The following ATG2B variants were observed in gnomAD, a reference collection of about 807,000 sequenced individuals.
ATG2B encodes autophagy-related protein 2 homolog B.
Under a neutral mutation model 241.3 loss-of-function variants are expected in ATG2B, and 121 were observed. That is an observed-to-expected ratio of 0.50 (90% CI 0.43 to 0.58). The LOEUF (loss-of-function observed/expected upper bound fraction) is 0.58. ATG2B is among the 20% of genes least tolerant of loss of function. The pLI is 0.00. For synonymous variants in ATG2B, 858 were observed against 876.6 expected, an observed-to-expected ratio of 0.98 and a Z score of 0.37; for missense variants, 2,306 against 2,491.6, an observed-to-expected ratio of 0.93 and a Z score of 1.59.
chr14:96,300,999 T>C (rs1886774949), intron 34 of ATG2B, among the ~76,000 whole-genome samples: 1 of 152,238 alleles, frequency 6.6e-6, no homozygotes, highest in Non-Finnish European at 1.5e-5. Flanking sequence ...ATAAATACTC[T>C]ACTTCCAAAC....
chr14:96,311,770 A>T, intron 26 of ATG2B, 152 bp from the exon 27 acceptor site: 1 of 585,774 alleles, frequency 1.7e-6, no homozygotes. Context: ...CATCCCATAG[A>T]AGTCCTAAAA....
chr14:96,325,001 C>A (rs1887553484), intron 15 of ATG2B, among the ~76,000 whole-genome samples: 1 of 152,104 alleles, frequency 6.6e-6, no homozygotes, highest in South Asian at 2.1e-4. Flanking sequence ...AGACTTGGTT[C>A]ACTTTAAAGT....
At chr14:96,318,373 C>G (rs571139607) in intron 18 of ATG2B, 2 of 152,262 alleles carry the variant, frequency 1.3e-5, no homozygotes, top group East Asian at 3.9e-4. Flanking sequence ...GTTATGTGAC[C>G]TTCCCAAAGT....
At chr14:96,317,006 T>C in intron 20 of ATG2B, 139 bp downstream of exon 20, 2 of 827,034 alleles carry the variant, frequency 2.4e-6, no homozygotes, top group Non-Finnish European at 3.7e-6. Context: ...TCATCATGGT[T>C]TGCCCCAGGA....
rs1372155787 is a variant in ATG2B, at chr14:96,285,885, G to A, written c.6107C>T (p.Pro2036Leu). Residue 2036 changes from proline to leucine, a missense_variant, in exon 42 of 42, where the codon CCT becomes CTT. Coordinates refer to ENST00000359933, the MANE Select transcript of ATG2B (RefSeq NM_018036.7). This position sits in a 1 kb window ranked among gnomAD's most constrained non-coding sequence, Gnocchi z 4.2. ...AATCAGAGGTTTCACCACTGCCGGA[G>A]GAATCTGGCGCAGAACCTCGCCCAC... ...GAVGEVLRQI[P>L]PAVVKPLIVA... The A allele has an allele frequency of 6.2e-7, 1 of 1,614,118 alleles. No homozygotes were observed. Among genetic ancestry groups the A allele is most frequent in the Non-Finnish European group, 8.5e-7 (1 of 1,180,014 alleles).
Position 96,343,262 on chromosome 14 carries a change from T to C in ATG2B, c.601A>G (p.Thr201Ala). The part of the protein sequence containing the change: ...RIERTVYCDE[T>A]ADESSGINVH... ...TTAATTCCTGAGGATTCGTCAGCAG[T>C]TTCATCACAGTACACAGTTCTGAAA... is the stretch of plus-strand genomic sequence containing the variant. Residue 201 changes from threonine (T) to alanine (A), a missense_variant, in exon 5 of 42, where the codon ACT becomes GCT. This residue lies in a region of ATG2B where 1,927 missense variants were observed against 2,011.2 expected (regional missense o/e 0.96). Coordinates refer to ENST00000359933, the MANE Select transcript of ATG2B (RefSeq NM_018036.7). 1.2e-6 allele frequency: 2 copies of C among 1,606,224 alleles called. No homozygotes were observed. Among genetic ancestry groups the C allele is most frequent in the Non-Finnish European group, 1.7e-6 (2 of 1,177,158 alleles).
chr14:96,294,428 G>A (rs900624977), intron 36 of ATG2B, among the ~76,000 whole-genome samples: 7 of 152,302 alleles, frequency 4.6e-5, no homozygotes, highest in South Asian at 2.1e-4. Context: ...CGAGCTGGCC[G>A]AGCCGTTGGG....
At chr14:96,308,264 A>ACG (rs1887039696) in intron 29 of ATG2B, among the ~76,000 whole-genome samples, 1 of 12,618 alleles carries the variant, frequency 7.9e-5, no homozygotes, top group Non-Finnish European at 1.6e-4. Flanking sequence ...ACACATATAT[A>ACG]TATATATATA....
chr14:96,290,241 G>A lies in ATG2B; in HGVS notation c.5856+195C>T. On this transcript the variant is annotated intron_variant, in intron 40 of 41. Coordinates refer to ENST00000359933, the MANE Select transcript of ATG2B (RefSeq NM_018036.7). The surrounding 1 kb of genome is among the most constrained non-coding windows in gnomAD (Gnocchi z 4.4). The stretch of plus-strand genomic sequence containing the variant: ...GAAATAGGCAAACAAATCTGACACT[G>A]TATTCCACTGCTTTATTCTAATTAT... The A allele has an allele frequency of 1.6e-6, 2 of 1,236,330 alleles. No homozygotes were observed. The highest frequency in any genetic ancestry group is 2.0e-4 in the Middle Eastern group (1 of 4,994). The allele number at this position is 1,236,330 out of a possible 1,614,324, so 76.6% of individuals were successfully genotyped here. A position where few individuals can be genotyped will look rare whatever the true frequency, so the allele number is the denominator to read the frequency against.
intron 6 of ATG2B, among the ~76,000 whole-genome samples, chr14:96,341,121 T>G (rs950534741): frequency 6.6e-6 from 1 of 152,182 alleles, no homozygotes; most frequent in Admixed American, 6.5e-5. Context: ...AAACATCTTC[T>G]ACAGATTTCT....
intron 41 of ATG2B, among the ~76,000 whole-genome samples, chr14:96,288,921 CT>C (rs1282410555): frequency 6.6e-6 from 1 of 151,870 alleles, no homozygotes; most frequent in African/African-American, 2.4e-5. Context: ...TAAAGAATTT[CT>C]TGTACATATG....
At chr14:96,318,823 C>G (rs1887384401) in intron 18 of ATG2B, among the ~76,000 whole-genome samples, 1 of 152,190 alleles carries the variant, frequency 6.6e-6, no homozygotes, top group African/African-American at 2.4e-5. Flanking sequence ...ATCGTAAGAT[C>G]TGGACCCACA....
intron 33 of ATG2B, among the ~76,000 whole-genome samples, chr14:96,302,485 G>C (rs1886819457): frequency 6.6e-6 from 1 of 152,112 alleles, no homozygotes; most frequent in African/African-American, 2.4e-5. Flanking sequence ...TCAGGAGGTT[G>C]AATGGGAGGC....
chr14:96,356,170 CAAA>C (rs10712581), intron 1 of ATG2B, among the ~76,000 whole-genome samples: 12 of 130,460 alleles, frequency 9.2e-5, no homozygotes, highest in Admixed American at 2.3e-4. Flanking sequence ...GAATGCGGCT[CAAA>C]AAAAAAAAAA....
chr14:96,362,992 C>T lies in ATG2B; in HGVS notation c.-16G>A. The stretch of plus-strand genomic sequence containing the variant: ...GCCAAGGCATAGTGACTGCTGGCAG[C>T]TGGGCTGACTGCGGCTGCGGGTTGC... On this transcript the variant is annotated 5_prime_UTR_variant, in exon 1 of 42. Coordinates refer to ENST00000359933, the MANE Select transcript of ATG2B (RefSeq NM_018036.7). The T allele has an allele frequency of 6.2e-7, 1 of 1,612,518 alleles. No homozygotes were observed. The highest frequency in any genetic ancestry group is 8.5e-7 in the Non-Finnish European group (1 of 1,179,666).
chr14:96,357,048 TCAAACTG>T (rs1312513580), intron 1 of ATG2B, among the ~76,000 whole-genome samples: 2 of 152,182 alleles, frequency 1.3e-5, no homozygotes, highest in Non-Finnish European at 2.9e-5. Context: ...AGTTATCTGC[TCAAACTG>T]CAAACTACAA....
chr14:96,346,418 AG>A (rs1176269476), intron 2 of ATG2B, among the ~76,000 whole-genome samples: 1 of 152,236 alleles, frequency 6.6e-6, no homozygotes, highest in East Asian at 1.9e-4. Context: ...CACTCATCAT[AG>A]TTAAAAGATA....
intron 6 of ATG2B, among the ~76,000 whole-genome samples, chr14:96,339,505 G>A (rs1050307482): frequency 2.0e-5 from 3 of 151,542 alleles, no homozygotes; most frequent in Non-Finnish European, 4.4e-5. Flanking sequence ...ACAAATATAT[G>A]TATATATATT....
Position 96,289,429 on chromosome 14 carries a change from AGAAT to A in ATG2B, c.6006+223_6006+226del. 2.3e-6 allele frequency: 1 copy of A among 437,852 alleles called. No homozygotes were observed. Among genetic ancestry groups the A allele is most frequent in the Non-Finnish European group, 4.1e-6 (1 of 243,334 alleles). 27.1% of individuals were successfully genotyped at this position (437,852 alleles called of 1,614,324 possible). On this transcript the variant is annotated intron_variant, in intron 41 of 41. Coordinates refer to ENST00000359933, the MANE Select transcript of ATG2B (RefSeq NM_018036.7). This position sits in a 1 kb window ranked among gnomAD's most constrained non-coding sequence, Gnocchi z 4.3. ...TGAGTGCTTCTGCAGGTGAAGAGAG[AGAAT>A]CCATCCACCCACGCAATCACTAGTA...
Sources: gnomAD v4.1 joint callset for allele counts (sites outside exome capture counted in the v4.1 genomes callset) on GRCh38, gnomAD v4.1.1 for gene constraint, gnomAD v4.1.1 regional missense constraint, Gnocchi (gnomAD v3.1) non-coding constraint, MANE v1.5 for transcripts, NCBI Gene and HGNC (gene_info 2026-07-23, HGNC 2026-07-21) for gene names.